Variants in SIK3 observed in about 807,000 individuals in gnomAD.
The protein encoded by SIK3 is serine/threonine-protein kinase SIK3.
Under a neutral mutation model 144.2 loss-of-function variants are expected in SIK3, and 28 were observed. That is an observed-to-expected ratio of 0.19 (90% confidence interval 0.14 to 0.27). The LOEUF (loss-of-function observed/expected upper bound fraction) is 0.27, where lower values mean the gene tolerates loss of function less well. SIK3 is among the 10% of genes least tolerant of loss of function. SIK3 has a pLI of 1.00. For synonymous variants in SIK3, 686 were observed against 676.3 expected (o/e 1.01, Z -0.22); for missense variants, 1,319 against 1,776.0 (o/e 0.74, Z 4.62).
At position 116,908,963 on chromosome 11, in the gene SIK3, G is replaced by T. The variant is rs1591295854; in HGVS notation, c.617-11646C>A. Among the ~76,000 whole-genome samples the T allele has an allele frequency of 8.5e-5, 13 of 152,296 alleles. No homozygotes were observed. The South Asian group carries it at 2.5e-3, about 29-fold the overall frequency. On this transcript the variant is annotated intron_variant, in intron 4 of 24. Transcript: ENST00000445177. ...GGATAAATGTTTAGGAATGTTCGTT[G>T]CAGCTGTTAGTAAGTGCCCCAAACT...
intron 1 of SIK3, among the ~76,000 whole-genome samples, chr11:116,996,949 T>C (rs538098741): frequency 6.6e-6 from 1 of 151,856 alleles, no homozygotes; most frequent in Non-Finnish European, 1.5e-5. Flanking sequence ...AAGCTCAAAA[T>C]TTAACAGGTT....
chr11:116,897,683 G>A (rs1040115535), intron 4 of SIK3, among the ~76,000 whole-genome samples: 3 of 152,174 alleles, frequency 2.0e-5, no homozygotes, highest in African/African-American at 4.8e-5. Context: ...GAGGTCAGGA[G>A]ATCATTCTGA....
chr11:116,946,358 CTT>C (rs1355705217), intron 3 of SIK3, among the ~76,000 whole-genome samples: 3 of 150,688 alleles, frequency 2.0e-5, no homozygotes, highest in South Asian at 4.2e-4. Flanking sequence ...AGACAAAAGA[CTT>C]TGTCACTTAC....
chr11:116,954,331 G>A (rs1352610522), intron 2 of SIK3, among the ~76,000 whole-genome samples: 1 of 152,154 alleles, frequency 6.6e-6, no homozygotes, highest in Non-Finnish European at 1.5e-5. Flanking sequence ...TATTGCTTGA[G>A]AGAGATAGGC....
At chr11:117,066,743 AG>A (rs922078852) in intron 1 of SIK3, among the ~76,000 whole-genome samples, 7 of 152,138 alleles carry the variant, frequency 4.6e-5, no homozygotes, top group African/African-American at 1.7e-4. Context: ...CTTGTTGCCC[AG>A]GGTGGTCTCG....
At chr11:117,086,413 T>C (rs1288136235) in intron 1 of SIK3, among the ~76,000 whole-genome samples, 1 of 152,202 alleles carries the variant, frequency 6.6e-6, no homozygotes, top group Non-Finnish European at 1.5e-5. Context: ...AATGGTAGGC[T>C]GGGTGCAGTG....
chr11:116,850,618 T>G lies in SIK3; in HGVS notation c.3656-1335A>C, dbSNP rs150376919. Reference sequence around the variant, plus strand: ...ATGTACTTAATCATTCACATTAGACTATAAATTCTTTGCAGGCAAGAACTA... The same window carrying G: ...ATGTACTTAATCATTCACATTAGACGATAAATTCTTTGCAGGCAAGAACTA... On this transcript the variant is annotated intron_variant, in intron 21 of 24. Transcript: ENST00000445177. 3.9e-5 allele frequency among the ~76,000 whole-genome samples: 6 copies of G among 152,390 alleles called. 1 individual carries two copies. The highest frequency in any genetic ancestry group is 1.4e-4 in the African/African-American group (6 of 41,604).
At chr11:116,917,822 A>AGAGG (rs1946735279) in intron 4 of SIK3, among the ~76,000 whole-genome samples, 1 of 141,786 alleles carries the variant, frequency 7.1e-6, no homozygotes, top group African/African-American at 2.6e-5. Flanking sequence ...AGAAGGAAGA[A>AGAGG]GAAGGAAGGA....
intron 1 of SIK3, among the ~76,000 whole-genome samples, chr11:117,083,696 C>A (rs1240485756): frequency 6.6e-6 from 1 of 152,190 alleles, no homozygotes; most frequent in Non-Finnish European, 1.5e-5. Flanking sequence ...AGAAGAAATC[C>A]TGCAGGTGTC....
chr11:117,051,876 G>T (rs1953263246), intron 1 of SIK3, among the ~76,000 whole-genome samples: 1 of 151,858 alleles, frequency 6.6e-6, no homozygotes, highest in Non-Finnish European at 1.5e-5. Flanking sequence ...GGGCGTGGTG[G>T]CTCATGCCTG....
intron 4 of SIK3, 112 bp from the exon 5 acceptor site, chr11:116,897,429 A>G: frequency 1.0e-6 from 1 of 972,230 alleles, no homozygotes; most frequent in Non-Finnish European, 1.5e-6. Context: ...TATTAAATGC[A>G]AAAAGAGAAC....
At position 116,863,809 on chromosome 11, in the gene SIK3, G is replaced by A. The variant is rs747300847; in HGVS notation, c.1962C>T (p.Tyr654=). ...HLVPDQHRST[Y]KDSNTLHLPT... ...GGAGGTGCAGAGTGTTGGAGTCCTTGTAGGTAGAGCTGAATATATGGGAAG... is the reference window on the plus strand; with the variant it reads ...GGAGGTGCAGAGTGTTGGAGTCCTTATAGGTAGAGCTGAATATATGGGAAG... Residue 654 remains tyrosine (Y), a synonymous_variant, in exon 16 of 25, where the codon TAC becomes TAT. Transcript: ENST00000445177. The A allele has an allele frequency of 8.7e-6, 14 of 1,610,888 alleles. No individual in the cohort carries two copies. In the South Asian group the frequency reaches 1.4e-4, roughly 16 times the overall value.
intron 1 of SIK3, among the ~76,000 whole-genome samples, chr11:117,057,718 C>T (rs1490049867): frequency 2.6e-5 from 4 of 152,184 alleles, no homozygotes; most frequent in Admixed American, 2.6e-4. Flanking sequence ...GTTCAAATTC[C>T]AACTCTGCTA....
rs1429370206 is a variant in SIK3, at chr11:116,893,987, G to A, written c.865+2266C>T. 1.1e-4 allele frequency: 18 copies of A among 166,996 alleles called. No homozygotes were observed. In the Admixed American group the frequency reaches 1.2e-3, roughly 11 times the overall value. The allele number at this position is 166,996 out of a possible 1,614,324, so 10.3% of individuals were successfully genotyped here. A position where few individuals can be genotyped will look rare whatever the true frequency, so the allele number is the denominator to read the frequency against. ...AATGATCTAGGAAGGTGAGGGTGTG[G>A]GGGGATAAAAAAGAAACAAAATCAT... On this transcript the variant is annotated intron_variant, in intron 6 of 24. Coordinates refer to ENST00000445177, the MANE Select transcript of SIK3 (RefSeq NM_001366686.3).
At chr11:116,912,433 T>C (rs560526220) in intron 4 of SIK3, among the ~76,000 whole-genome samples, 1 of 152,352 alleles carries the variant, frequency 6.6e-6, no homozygotes, top group East Asian at 1.9e-4. Flanking sequence ...GGTCTACCAC[T>C]TTAGAGCAAT....
intron 1 of SIK3, among the ~76,000 whole-genome samples, chr11:117,019,021 CT>C (rs113754665): frequency 1.0e-4 from 15 of 148,416 alleles, no homozygotes; most frequent in Admixed American, 1.4e-4. Flanking sequence ...TTTATTGTAA[CT>C]TTTTTTTTTC....
intron 1 of SIK3, among the ~76,000 whole-genome samples, chr11:117,070,713 TG>T (rs1954229962): frequency 6.6e-6 from 1 of 151,708 alleles, no homozygotes; most frequent in South Asian, 2.1e-4. Flanking sequence ...TCCAAAGTGC[TG>T]GGGTTACAGG....
chr11:117,010,944 A>C (rs769514753), intron 1 of SIK3, among the ~76,000 whole-genome samples: 2 of 152,100 alleles, frequency 1.3e-5, no homozygotes, highest in Admixed American at 6.6e-5. Flanking sequence ...ACATGGACAG[A>C]TCCTGTCTCT....
chr11:116,882,666 GA>G (rs142023530), intron 6 of SIK3, among the ~76,000 whole-genome samples: 2 of 152,214 alleles, frequency 1.3e-5, no homozygotes, highest in Admixed American at 6.5e-5. Context: ...TTGCAGGCAA[GA>G]AAGTGCATGC....
Sources: gnomAD v4.1 joint callset for allele counts (sites outside exome capture counted in the v4.1 genomes callset) on GRCh38, gnomAD v4.1.1 for gene constraint, MANE v1.5 for transcripts, NCBI Gene and HGNC (gene_info 2026-07-23, HGNC 2026-07-21) for gene names.